The following SHCBP1 variants were observed in gnomAD, a reference collection of about 807,000 sequenced individuals.
SHCBP1 encodes the protein SHC SH2 domain-binding protein 1.
SHCBP1 carries 60 observed loss-of-function variants against 75.1 expected under a neutral mutation model. The observed-to-expected ratio is 0.80, with a 90% CI of 0.65 to 0.99. The LOEUF is 0.99. Among genes scored for constraint, SHCBP1 ranks in the 50% least tolerant of loss-of-function variants. The pLI is 0.00. For synonymous variants in SHCBP1, 290 were observed against 293.2 expected, an observed-to-expected ratio of 0.99 and a Z score of 0.11; for missense variants, 709 against 809.4, an observed-to-expected ratio of 0.88 and a Z score of 1.50.
chr16:46,605,601 C>A (rs1283618739), intron 5 of SHCBP1, among the ~76,000 whole-genome samples: 1 of 152,052 alleles, frequency 6.6e-6, no homozygotes, highest in African/African-American at 2.4e-5. Flanking sequence ...TCTCAAAAAA[C>A]AAACAAACAA....
chr16:46,621,055 G>A (rs1965580586), intron 1 of SHCBP1, among the ~76,000 whole-genome samples: 1 of 152,234 alleles, frequency 6.6e-6, no homozygotes, highest in Admixed American at 6.5e-5. Flanking sequence ...GGGAGATGCG[G>A]ATAGGGAAGA....
At position 46,595,793 on chromosome 16, in the gene SHCBP1, C is replaced by T. The variant is rs879225718; in HGVS notation, c.1346-123G>A. Reference sequence around the variant, plus strand: ...TCTCAATGGCTATCATTTAAATTTTCTTACCTAAATTACAAATTCATAAAA... The same window carrying T: ...TCTCAATGGCTATCATTTAAATTTTTTTACCTAAATTACAAATTCATAAAA... On this transcript the variant is annotated intron_variant, in intron 9 of 12. Coordinates refer to ENST00000303383, the MANE Select transcript of SHCBP1 (RefSeq NM_024745.5). 1.4e-5 allele frequency: 8 copies of T among 584,936 alleles called. No homozygotes were observed. In the South Asian group the frequency reaches 1.6e-4, roughly 12 times the overall value. 36.2% of individuals were successfully genotyped at this position (584,936 alleles called of 1,614,324 possible). A position where few individuals can be genotyped will look rare whatever the true frequency, so the allele number is the denominator to read the frequency against.
rs1186794546 is a variant in SHCBP1 at position 46,579,259 on chromosome 16, C to T, written c.*2470G>A. 6.6e-6 allele frequency among the ~76,000 whole-genome samples: 1 copy of T among 152,144 alleles called. No individual in the cohort carries two copies. Among genetic ancestry groups the T allele is most frequent in the Non-Finnish European group, 1.5e-5 (1 of 68,024 alleles). ...GTGTTTTCATCTCAAATATCAAACC[C>T]ATACCCCTCTAGGGCACTCCCTAAA... On this transcript the variant is annotated 3_prime_UTR_variant, in exon 13 of 13. Coordinates refer to ENST00000303383, the MANE Select transcript of SHCBP1 (RefSeq NM_024745.5).
At chr16:46,588,741 G>T (rs1964992624) in intron 10 of SHCBP1, among the ~76,000 whole-genome samples, 1 of 151,834 alleles carries the variant, frequency 6.6e-6, no homozygotes, top group Admixed American at 6.6e-5. Flanking sequence ...TCTACCAGAG[G>T]TACAAAGAGG....
intron 9 of SHCBP1, 122 bp downstream of exon 9, chr16:46,599,706 AGTG>A (rs1965201161): frequency 1.5e-4 from 54 of 364,714 alleles, no homozygotes; most frequent in South Asian, 5.4e-4. Flanking sequence ...AGCATCGTGA[AGTG>A]CAATAAAACA....
chr16:46,615,290 A>G (rs1965476726), intron 4 of SHCBP1, among the ~76,000 whole-genome samples: 1 of 152,170 alleles, frequency 6.6e-6, no homozygotes, highest in Non-Finnish European at 1.5e-5. Flanking sequence ...AGTTATTAGT[A>G]GTTAAGTTTT....
chr16:46,585,030 G>A (rs1015570501), intron 10 of SHCBP1, among the ~76,000 whole-genome samples: 1 of 152,144 alleles, frequency 6.6e-6, no homozygotes, highest in East Asian at 1.9e-4. Flanking sequence ...TTTTAAAAAT[G>A]TGCTAATTGT....
chr16:46,606,782 A>G (rs1965332201), intron 5 of SHCBP1, among the ~76,000 whole-genome samples: 1 of 152,128 alleles, frequency 6.6e-6, no homozygotes, highest in African/African-American at 2.4e-5. Flanking sequence ...TCACACATAC[A>G]TAATTCTAAA....
At chr16:46,586,695 T>C (rs1964959447) in intron 10 of SHCBP1, among the ~76,000 whole-genome samples, 1 of 152,046 alleles carries the variant, frequency 6.6e-6, no homozygotes. Flanking sequence ...AAAACAAAAA[T>C]CTTGAAAGCA....
In SHCBP1 at chr16:46,595,594, T is replaced by G. The variant is rs1042319783; in HGVS notation, c.1422A>C (p.Ser474=). 1 of 1,614,098 alleles carries G rather than the reference T, an allele frequency of 6.2e-7. No homozygotes were observed. Among genetic ancestry groups the G allele is most frequent in the East Asian group, 2.2e-5 (1 of 44,902 alleles). ...CCGAGTTCTTCATTAGAAACTCTGC[T>G]GATGTCCGCACTGTGACTCCGGTCG... ...CETTGVTVRT[S]AEFLMKNSDL... Residue 474 remains serine, a synonymous_variant, in exon 10 of 13, where the codon TCA becomes TCC. Transcript: ENST00000303383.
intron 4 of SHCBP1, among the ~76,000 whole-genome samples, chr16:46,610,797 G>T (rs1198158207): frequency 2.0e-5 from 3 of 151,666 alleles, no homozygotes; most frequent in Admixed American, 1.3e-4. Flanking sequence ...GGGCTAAAAT[G>T]ATCCGCCCAC....
At chr16:46,599,683 A>AC (rs1965198989) in intron 9 of SHCBP1, 148 bp downstream of exon 9, 3 of 321,806 alleles carry the variant, frequency 9.3e-6, no homozygotes, top group Admixed American at 5.3e-5. Context: ...AAAAAAAAAA[A>AC]AAAAAAAAAC....
chr16:46,621,134 G>T, intron 1 of SHCBP1, 123 bp downstream of exon 1: 1 of 842,182 alleles, frequency 1.2e-6, no homozygotes, highest in Non-Finnish European at 1.7e-6. Context: ...GCCGCGCACC[G>T]CCGTTCCCGC....
chr16:46,611,059 G>T (rs1965408776), intron 4 of SHCBP1, among the ~76,000 whole-genome samples: 1 of 152,066 alleles, frequency 6.6e-6, no homozygotes, highest in Non-Finnish European at 1.5e-5. Flanking sequence ...TGTCCGCATG[G>T]GTTTTCTCCA....
intron 10 of SHCBP1, among the ~76,000 whole-genome samples, chr16:46,591,788 A>G (rs1233055946): frequency 6.6e-6 from 1 of 152,192 alleles, no homozygotes; most frequent in Non-Finnish European, 1.5e-5. Flanking sequence ...TAAAAGAATT[A>G]AAATCATATA....
In SHCBP1 at chr16:46,604,261, T is replaced by C; in HGVS notation, c.890A>G (p.Gln297Arg). 1 of 1,614,272 alleles carries C rather than the reference T, an allele frequency of 6.2e-7. No individual in the cohort carries two copies. The highest frequency in any genetic ancestry group is 8.5e-7 in the Non-Finnish European group (1 of 1,180,048). The change falls in exon 6 of 13, where the codon CAA becomes CGA. Residue 297 changes from glutamine to arginine, a missense_variant. By Grantham distance (43) the Gln-to-Arg change is conservative (BLOSUM62 1). Transcript: ENST00000303383. ...AGGATTCTCAATGAGTTTCAGCTTTTGTTTCAACTGTTCCATCTCCGAATA... is the reference window on the plus strand; with the variant it reads ...AGGATTCTCAATGAGTTTCAGCTTTCGTTTCAACTGTTCCATCTCCGAATA... ...KLYSEMEQLK[Q>R]KLKLIENPLL...
chr16:46,612,109 C>A (rs1032902418), intron 4 of SHCBP1, among the ~76,000 whole-genome samples: 3 of 152,152 alleles, frequency 2.0e-5, no homozygotes, highest in African/African-American at 7.2e-5. Context: ...ACTGAGAAAG[C>A]AAGCCAGTAA....
intron 10 of SHCBP1, among the ~76,000 whole-genome samples, chr16:46,586,524 G>A (rs1008686811): frequency 1.3e-5 from 2 of 152,140 alleles, no homozygotes; most frequent in African/African-American, 2.4e-5. Context: ...GAAAGAGGGT[G>A]AGGCTAAAAA....
chr16:46,609,442 C>CTTTTTTTTT (rs71158875), intron 4 of SHCBP1, among the ~76,000 whole-genome samples: 7 of 61,332 alleles, frequency 1.1e-4, no homozygotes, highest in East Asian at 6.3e-4. Context: ...CTTTTCTTTT[C>CTTTTTTTTT]TTTTTTTTTT....
Sources: allele counts gnomAD v4.1 joint callset (sites outside exome capture counted in the v4.1 genomes callset), GRCh38; gene constraint gnomAD v4.1.1; transcripts MANE v1.5; gene names NCBI Gene and HGNC (gene_info 2026-07-23, HGNC 2026-07-21).